CBX6: variants seen among roughly 807,000 people sequenced by gnomAD.
The protein encoded by CBX6 is chromobox 6.
In CBX6, 7 loss-of-function variants were observed where a neutral mutation model predicts 28.4. The observed-to-expected ratio is 0.25, with a 90% CI of 0.14 to 0.46. The LOEUF (loss-of-function observed/expected upper bound fraction) is 0.46, where lower values mean the gene tolerates loss of function less well. CBX6 is among the 20% of genes least tolerant of loss of function. The pLI, the probability that CBX6 is intolerant of heterozygous loss-of-function variation, is 0.99. For missense variants in CBX6, 512 were observed against 606.1 expected, an observed-to-expected ratio of 0.84 and a Z score of 1.63; for synonymous variants, 297 against 273.4, an observed-to-expected ratio of 1.09 and a Z score of -0.85.
rs747376877 is a variant in CBX6 at position 38,866,769 on chromosome 22, T to C, written c.679A>G (p.Met227Val). The change falls in exon 5 of 5, where the codon ATG becomes GTG. Residue 227 changes from methionine to valine, a missense_variant. Physicochemically the swap from Met to Val is conservative, Grantham distance 21. This residue lies in a region of CBX6 where 290 missense variants were observed against 274.1 expected (regional missense o/e 1.06). Transcript: ENST00000407418. This position sits in a 1 kb window ranked among gnomAD's most constrained non-coding sequence, Gnocchi z 7.5. ...TACAGCGCAAAGGCGCCGAACTTCA[T>C]GTGGCGGATCTGTGTACGCAGGACG... ...ESVLRTQIRH[M>V]KFGAFALYKP... The C allele has an allele frequency of 1.9e-6, 3 of 1,611,422 alleles. No individual in the cohort carries two copies. Among genetic ancestry groups the C allele is most frequent in the Admixed American group, 1.7e-5 (1 of 59,784 alleles).
In CBX6 at chr22:38,867,216, A is replaced by C; in HGVS notation, c.247-15T>G. 1 of 341,674 alleles carries C rather than the reference A, an allele frequency of 2.9e-6. No individual in the cohort carries two copies. Among genetic ancestry groups the C allele is most frequent in the Non-Finnish European group, 5.7e-6 (1 of 175,438 alleles). 21.2% of individuals were successfully genotyped at this position (341,674 alleles called of 1,614,324 possible). ...TGGGCCCGCGCCTGCGGGCAGAGGG[A>C]GGGGTGGGTGGGACCTCAGGACTGC... is the stretch of plus-strand genomic sequence containing the variant. On this transcript the variant is annotated splice_polypyrimidine_tract_variant and intron_variant, in intron 4 of 4. Coordinates refer to ENST00000407418, the MANE Select transcript of CBX6 (RefSeq NM_014292.5).
chr22:38,868,945 A>G lies in CBX6; in HGVS notation c.247-1744T>C, dbSNP rs572342679. Among the ~76,000 whole-genome samples the G allele has an allele frequency of 6.6e-5, 10 of 152,272 alleles. No homozygotes were observed. The South Asian group carries it at 2.1e-3, about 32-fold the overall frequency. ...CATTTAGAACGTGGCGTTCACCCCC[A>G]TGGGAGAAGGGACTGTGACTCCACG... On this transcript the variant is annotated intron_variant, in intron 4 of 4. Coordinates refer to ENST00000407418, the MANE Select transcript of CBX6 (RefSeq NM_014292.5).
chr22:38,866,591 G>A lies in CBX6; in HGVS notation c.857C>T (p.Ser286Phe). The change falls in exon 5 of 5, where the codon TCT becomes TTT. Residue 286 changes from serine (S) to phenylalanine (F), a missense_variant. Ser to Phe is a radical substitution (Grantham distance 155). This residue lies in a region of CBX6 where 290 missense variants were observed against 274.1 expected (regional missense o/e 1.06). Coordinates refer to ENST00000407418, the MANE Select transcript of CBX6 (RefSeq NM_014292.5). The surrounding 1 kb of genome is among the most constrained non-coding windows in gnomAD (Gnocchi z 7.5). ...SGCPSPTPQSSDPDDTPPKLL... is the reference protein window; with the variant it reads ...SGCPSPTPQSFDPDDTPPKLL... Reference sequence around the variant, plus strand: ...CTTGGGGGGCGTGTCGTCGGGGTCAGAGGACTGTGGTGTAGGCGAGGGGCA... The same window carrying A: ...CTTGGGGGGCGTGTCGTCGGGGTCAAAGGACTGTGGTGTAGGCGAGGGGCA... 1.9e-6 allele frequency: 3 copies of A among 1,568,894 alleles called. No individual in the cohort carries two copies. Among genetic ancestry groups the A allele is most frequent in the Non-Finnish European group, 2.6e-6 (3 of 1,164,204 alleles).
rs1267742938 is a variant in CBX6, at chr22:38,861,986, G to T, written c.*4223C>A. On this transcript the variant is annotated 3_prime_UTR_variant, in exon 5 of 5. Coordinates refer to ENST00000407418, the MANE Select transcript of CBX6 (RefSeq NM_014292.5). ...GATACGTATTTCTTTAGGCCTTTGT[G>T]TTTTTAAATTAAAACCAACAAAAAG... The T allele has an allele frequency of 6.6e-6, 1 of 152,210 alleles. No individual in the cohort carries two copies. The highest frequency in any genetic ancestry group is 1.5e-5 in the Non-Finnish European group (1 of 68,038). 9.4% of individuals were successfully genotyped at this position (152,210 alleles called of 1,614,324 possible).
chr22:38,871,975 TGGGGGTGGGGAGGATGC>T lies in CBX6; in HGVS notation c.70-47_70-31del. Reference sequence around the variant, plus strand: ...AAAACAGAGGGGAGAAAAACGGGGGTGGGGGTGGGGAGGATGCGGGGACGCGAGGAGGCGGCGGCGCG... The same window carrying T: ...AAAACAGAGGGGAGAAAAACGGGGGTGGGGACGCGAGGAGGCGGCGGCGCG... On this transcript the variant is annotated intron_variant, in intron 1 of 4. Transcript: ENST00000407418. The surrounding 1 kb of genome is among the most constrained non-coding windows in gnomAD (Gnocchi z 5.6). 7.9e-7 allele frequency: 1 copy of T among 1,262,042 alleles called. No individual in the cohort carries two copies. Among genetic ancestry groups the T allele is most frequent in the Non-Finnish European group, 1.1e-6 (1 of 915,330 alleles). 78.2% of individuals were successfully genotyped at this position (1,262,042 alleles called of 1,614,324 possible). A position where few individuals can be genotyped will look rare whatever the true frequency, so the allele number is the denominator to read the frequency against.
At position 38,866,554 on chromosome 22, in the gene CBX6, C is replaced by T; in HGVS notation, c.894G>A (p.Glu298=). Residue 298 remains glutamate (E), a synonymous_variant, in exon 5 of 5, where the codon GAG becomes GAA. Transcript: ENST00000407418. The surrounding 1 kb of genome is among the most constrained non-coding windows in gnomAD (Gnocchi z 7.5). ...PDDTPPKLLP[E]TVSPSAPSWR... The stretch of plus-strand genomic sequence containing the variant: ...AGCTGGGGGCGGATGGGCTCACGGT[C>T]TCGGGGAGGAGCTTGGGGGGCGTGT... 2 of 1,578,034 alleles carry T rather than the reference C, an allele frequency of 1.3e-6. No individual in the cohort carries two copies. Among genetic ancestry groups the T allele is most frequent in the South Asian group, 1.1e-5 (1 of 88,914 alleles).
rs2093164431 is a variant in CBX6, at chr22:38,864,288, T to C, written c.*1921A>G. 6.6e-6 allele frequency: 1 copy of C among 151,912 alleles called. No individual in the cohort carries two copies. The highest frequency in any genetic ancestry group is 1.5e-5 in the Non-Finnish European group (1 of 67,970). The allele number at this position is 151,912 out of a possible 1,614,324, so 9.4% of individuals were successfully genotyped here. On this transcript the variant is annotated 3_prime_UTR_variant, in exon 5 of 5. Coordinates refer to ENST00000407418, the MANE Select transcript of CBX6 (RefSeq NM_014292.5). ...AACTAATTCTTTCACTTTCCTGTCA[T>C]AAAATCACCTCTGAAAACACAACTT...
chr22:38,866,100 G>C lies in CBX6; in HGVS notation c.*109C>G. On this transcript the variant is annotated 3_prime_UTR_variant, in exon 5 of 5. Transcript: ENST00000407418. The surrounding 1 kb of genome is among the most constrained non-coding windows in gnomAD (Gnocchi z 7.5). Reference sequence around the variant, plus strand: ...CCTGGGTCAACACCGAGCCATTTGAGACAAGCAAAGCACAGGGAGAGAGGG... The same window carrying C: ...CCTGGGTCAACACCGAGCCATTTGACACAAGCAAAGCACAGGGAGAGAGGG... 3 of 880,342 alleles carry C rather than the reference G, an allele frequency of 3.4e-6. No homozygotes were observed. Among genetic ancestry groups the C allele is most frequent in the Non-Finnish European group, 5.1e-6 (3 of 586,072 alleles). The allele number at this position is 880,342 out of a possible 1,614,324, so 54.5% of individuals were successfully genotyped here.
At position 38,866,319 on chromosome 22, in the gene CBX6, G is replaced by A. The variant is rs778071156; in HGVS notation, c.1129C>T (p.Leu377Phe). The A allele has an allele frequency of 6.2e-7, 1 of 1,613,888 alleles. No individual in the cohort carries two copies. The highest frequency in any genetic ancestry group is 1.3e-5 in the African/African-American group (1 of 74,924). Residue 377 changes from leucine to phenylalanine, a missense_variant, in exon 5 of 5, where the codon CTC becomes TTC. Leu to Phe is a conservative substitution (Grantham distance 22). This residue lies in a region of CBX6 where 10 missense variants were observed against 30.9 expected (regional missense o/e 0.32). Coordinates refer to ENST00000407418, the MANE Select transcript of CBX6 (RefSeq NM_014292.5). This position sits in a 1 kb window ranked among gnomAD's most constrained non-coding sequence, Gnocchi z 7.5. ...AATTCCTTGATTGTGACCGTCAGGA[G>A]GTTGCTGGTGACATCGGTGACGACC... ...NVVVTDVTSN[L>F]LTVTIKEFCN...
rs1157415096 is a variant in CBX6, at chr22:38,862,187, T to G, written c.*4022A>C. On this transcript the variant is annotated 3_prime_UTR_variant, in exon 5 of 5. Transcript: ENST00000407418. ...GTGAGGCACTGACTCCTCCAAAGATTGCAGGGGGCGGAGGAGGGAACCACG... is the reference window on the plus strand; with the variant it reads ...GTGAGGCACTGACTCCTCCAAAGATGGCAGGGGGCGGAGGAGGGAACCACG... 6.6e-6 allele frequency: 1 copy of G among 152,114 alleles called. No homozygotes were observed. Among genetic ancestry groups the G allele is most frequent in the Non-Finnish European group, 1.5e-5 (1 of 68,046 alleles). 9.4% of individuals were successfully genotyped at this position (152,114 alleles called of 1,614,324 possible). A position where few individuals can be genotyped will look rare whatever the true frequency, so the allele number is the denominator to read the frequency against.
In CBX6 at chr22:38,871,367, G is replaced by T; in HGVS notation, c.246+113C>A. The T allele has an allele frequency of 8.9e-7, 1 of 1,126,408 alleles. No individual in the cohort carries two copies. Among genetic ancestry groups the T allele is most frequent in the South Asian group, 1.4e-5 (1 of 69,024 alleles). 69.8% of individuals were successfully genotyped at this position (1,126,408 alleles called of 1,614,324 possible). The stretch of plus-strand genomic sequence containing the variant: ...CCCCCTGCCCAGCTGGGGCCCCTCT[G>T]AAAAGGCCGGCCCGCTTGGGCGGCC... On this transcript the variant is annotated intron_variant, in intron 4 of 4. Coordinates refer to ENST00000407418, the MANE Select transcript of CBX6 (RefSeq NM_014292.5). The surrounding 1 kb of genome is among the most constrained non-coding windows in gnomAD (Gnocchi z 5.6).
Position 38,870,218 on chromosome 22 carries a change from T to C in CBX6, c.246+1262A>G, listed in dbSNP as rs2093179014. ...GTCACTTTCCCTTCCTGGGCCTTGATTTTTTATCTGTGAAATGGGGATAAT... is the reference window on the plus strand; with the variant it reads ...GTCACTTTCCCTTCCTGGGCCTTGACTTTTTATCTGTGAAATGGGGATAAT... On this transcript the variant is annotated intron_variant, in intron 4 of 4. Coordinates refer to ENST00000407418, the MANE Select transcript of CBX6 (RefSeq NM_014292.5). This position sits in a 1 kb window ranked among gnomAD's most constrained non-coding sequence, Gnocchi z 4.3. 6.6e-6 allele frequency: 1 copy of C among 152,188 alleles called. No homozygotes were observed. Among genetic ancestry groups the C allele is most frequent in the Non-Finnish European group, 1.5e-5 (1 of 68,048 alleles). The allele number at this position is 152,188 out of a possible 1,614,324, so 9.4% of individuals were successfully genotyped here. A position where few individuals can be genotyped will look rare whatever the true frequency, so the allele number is the denominator to read the frequency against.
Position 38,865,151 on chromosome 22 carries a change from A to G in CBX6, c.*1058T>C, listed in dbSNP as rs1603249649. 6.6e-6 allele frequency: 1 copy of G among 152,396 alleles called. No homozygotes were observed. The highest frequency in any genetic ancestry group is 3.4e-3 in the Middle Eastern group (1 of 294). 9.4% of individuals were successfully genotyped at this position (152,396 alleles called of 1,614,324 possible). ...CACCCGGAGGAAGAGGGAGCTTGGA[A>G]TGGGGTCTCCCTCTCTATCTCGGTC... is the stretch of plus-strand genomic sequence containing the variant. On this transcript the variant is annotated 3_prime_UTR_variant, in exon 5 of 5. Transcript: ENST00000407418.
rs913580717 is a variant in CBX6, at chr22:38,866,087, C to T, written c.*122G>A. The T allele has an allele frequency of 5.4e-5, 44 of 807,972 alleles. No homozygotes were observed. Among genetic ancestry groups the T allele is most frequent in the Middle Eastern group, 3.7e-4 (1 of 2,704 alleles). The allele number at this position is 807,972 out of a possible 1,614,324, so 50.1% of individuals were successfully genotyped here. ...ACCCAGCCCCATCCCTGGGTCAACA[C>T]CGAGCCATTTGAGACAAGCAAAGCA... On this transcript the variant is annotated 3_prime_UTR_variant, in exon 5 of 5. Coordinates refer to ENST00000407418, the MANE Select transcript of CBX6 (RefSeq NM_014292.5). This position sits in a 1 kb window ranked among gnomAD's most constrained non-coding sequence, Gnocchi z 7.5.
In CBX6 at chr22:38,866,203, G is replaced by T; in HGVS notation, c.*6C>A. On this transcript the variant is annotated 3_prime_UTR_variant, in exon 5 of 5. Transcript: ENST00000407418. This position sits in a 1 kb window ranked among gnomAD's most constrained non-coding sequence, Gnocchi z 7.5. ...CCCCCAAGCCCCCCTCCTTGGTGGA[G>T]CCCCCTCACTTGCTCGCCCCAATGC... The T allele has an allele frequency of 6.3e-7, 1 of 1,586,088 alleles. No homozygotes were observed. Among genetic ancestry groups the T allele is most frequent in the Non-Finnish European group, 8.6e-7 (1 of 1,162,482 alleles).
In CBX6 at chr22:38,866,868, C is replaced by T; in HGVS notation, c.580G>A (p.Ala194Thr). 2 of 1,602,446 alleles carry T rather than the reference C, an allele frequency of 1.2e-6. No homozygotes were observed. Among genetic ancestry groups the T allele is most frequent in the South Asian group, 1.1e-5 (1 of 90,050 alleles). ...GAGGGGAGQG[A>T]GALARPKVPS... ...ACTTTGGGGCGGGCCAGCGCCCCGG[C>T]CCCCTGCCCGGCGCCCCCGCCGCCA... is the stretch of plus-strand genomic sequence containing the variant. The change falls in exon 5 of 5, where the codon GCC becomes ACC. Residue 194 changes from alanine to threonine, a missense_variant. Around this residue, in one of 7 missense-constraint regions of CBX6, gnomAD observed 290 missense variants for 274.1 expected, o/e 1.06. Coordinates refer to ENST00000407418, the MANE Select transcript of CBX6 (RefSeq NM_014292.5). This position sits in a 1 kb window ranked among gnomAD's most constrained non-coding sequence, Gnocchi z 7.5.
In CBX6 at chr22:38,866,509, G is replaced by C. The variant is rs376586718; in HGVS notation, c.939C>G (p.Leu313=). The change falls in exon 5 of 5, where the codon CTC becomes CTG. Residue 313 remains leucine, a synonymous_variant. Coordinates refer to ENST00000407418, the MANE Select transcript of CBX6 (RefSeq NM_014292.5). This position sits in a 1 kb window ranked among gnomAD's most constrained non-coding sequence, Gnocchi z 7.5. ...CCGACTCGGGAGGGAGGGACAGGTC[G>C]AGCACCTCCGGCTCGCGCCAGCTGG... The part of the protein sequence containing the change: ...SAPSWREPEV[L]DLSLPPESAA... 31 of 1,586,830 alleles carry C rather than the reference G, an allele frequency of 2.0e-5. No homozygotes were observed. In the African/African-American group the frequency reaches 3.6e-4, roughly 18 times the overall value.
chr22:38,868,154 G>A (rs565786619), intron 4 of CBX6, among the ~76,000 whole-genome samples: 1 of 152,316 alleles, frequency 6.6e-6, no homozygotes, highest in African/African-American at 2.4e-5. Context: ...AGAGGCTAAG[G>A]GACTCCTAAG....
Position 38,870,510 on chromosome 22 carries a change from G to A in CBX6, c.246+970C>T, listed in dbSNP as rs1568997117. 6.6e-6 allele frequency: 1 copy of A among 152,220 alleles called. No individual in the cohort carries two copies. Among genetic ancestry groups the A allele is most frequent in the Non-Finnish European group, 1.5e-5 (1 of 68,034 alleles). The allele number at this position is 152,220 out of a possible 1,614,324, so 9.4% of individuals were successfully genotyped here. On this transcript the variant is annotated intron_variant, in intron 4 of 4. Coordinates refer to ENST00000407418, the MANE Select transcript of CBX6 (RefSeq NM_014292.5). The surrounding 1 kb of genome is among the most constrained non-coding windows in gnomAD (Gnocchi z 4.3). The stretch of plus-strand genomic sequence containing the variant: ...AGCATCAGGGTTAAGGTTACTCCCT[G>A]GATCCCCTAGGATGTGCGTCGCTTG...
Sources: gnomAD v4.1 joint callset for allele counts (sites outside exome capture counted in the v4.1 genomes callset) on GRCh38, gnomAD v4.1.1 for gene constraint, gnomAD v4.1.1 regional missense constraint, Gnocchi (gnomAD v3.1) non-coding constraint, MANE v1.5 for transcripts, NCBI Gene and HGNC (gene_info 2026-07-23, HGNC 2026-07-21) for gene names.